The following CDH18 variants were observed in gnomAD, a reference collection of about 807,000 sequenced individuals.
CDH18 encodes the protein cadherin 18, also known as cadherin-18.
A neutral mutation model predicts 67.9 loss-of-function variants in CDH18; 31 were observed. The ratio of observed to expected loss-of-function variants is 0.46; its 90% CI spans 0.34 to 0.62. The LOEUF (loss-of-function observed/expected upper bound fraction) is 0.62. Ranked by LOEUF, CDH18 falls within the 20% of genes least tolerant of loss-of-function variation. CDH18 has a pLI of 0.01. For missense variants in CDH18, 890 were observed against 975.5 expected (o/e 0.91, Z 1.17); for synonymous variants, 362 against 347.2 (o/e 1.04, Z -0.48).
At chr5:20,098,468 T>A (rs1055257679) in intron 2 of CDH18, among the ~76,000 whole-genome samples, 1 of 152,128 alleles carries the variant, frequency 6.6e-6, no homozygotes, top group Non-Finnish European at 1.5e-5. Context: ...TTTTACTCTT[T>A]GACCAACTCC....
intron 2 of CDH18, among the ~76,000 whole-genome samples, chr5:20,156,967 G>A (rs145488220): frequency 1.6e-4 from 25 of 152,248 alleles, no homozygotes; most frequent in African/African-American, 6.0e-4. Context: ...ACCTCCACCA[G>A]ATGCCTGGAA....
chr5:19,694,649 CTGTG>C lies in CDH18; in HGVS notation c.643+26694_643+26697del, dbSNP rs66488949. On this transcript the variant is annotated intron_variant, in intron 5 of 12. Coordinates refer to ENST00000382275, the MANE Select transcript of CDH18 (RefSeq NM_004934.5). ...TCTCAAGTTAATTCAGAATTAAACT[CTGTG>C]TGTGTGTGTGTGTGTGTGTGTGTCT... Among the ~76,000 whole-genome samples the C allele has an allele frequency of 4.4e-3, 662 of 150,716 alleles. 5 individuals are homozygous for C. The highest frequency in any genetic ancestry group is 3.3e-3 in the Admixed American group (50 of 15,104).
rs115548801 is a variant in CDH18, at chr5:19,673,513, G to T, written c.643+47834C>A. On this transcript the variant is annotated intron_variant, in intron 5 of 12. Transcript: ENST00000382275. ...AATAAAATCTTTAAAGTAAACTAAC[G>T]TAAAGCATAAATTTGGAAAGAATTA... Among the ~76,000 whole-genome samples, 759 of 151,982 alleles carry T rather than the reference G, an allele frequency of 5.0e-3. 3 individuals are homozygous for T. Among genetic ancestry groups the T allele is most frequent in the African/African-American group, 0.018 (731 of 41,504 alleles).
rs964401934 is a variant in CDH18, at chr5:19,852,600, C to G, written c.-256-13358G>C. Among the ~76,000 whole-genome samples the G allele has an allele frequency of 7.2e-5, 11 of 152,024 alleles. No individual in the cohort carries two copies. The South Asian group carries it at 2.3e-3, about 31-fold the overall frequency. ...TATTGAAACTCTTACTAAATATTCTCTACTTTTCATTATCTGGATAGTATA... is the reference window on the plus strand; with the variant it reads ...TATTGAAACTCTTACTAAATATTCTGTACTTTTCATTATCTGGATAGTATA... On this transcript the variant is annotated intron_variant, in intron 2 of 12. Transcript: ENST00000382275.
chr5:20,239,273 G>A (rs1484478413), intron 2 of CDH18, among the ~76,000 whole-genome samples: 1 of 152,028 alleles, frequency 6.6e-6, no homozygotes, highest in Non-Finnish European at 1.5e-5. Flanking sequence ...TGGGCAACAC[G>A]ATGAAGCCCC....
chr5:19,855,071 A>C (rs1318544186), intron 2 of CDH18, among the ~76,000 whole-genome samples: 1 of 151,794 alleles, frequency 6.6e-6, no homozygotes, highest in Non-Finnish European at 1.5e-5. Flanking sequence ...AAATGACAAG[A>C]TTTCATTCTT....
chr5:20,297,718 A>G (rs2149958973), intron 1 of CDH18, among the ~76,000 whole-genome samples: 1 of 152,310 alleles, frequency 6.6e-6, no homozygotes, highest in Admixed American at 6.5e-5. Flanking sequence ...GCAACGGCAA[A>G]GCACATTTCT....
chr5:20,105,608 T>C (rs1313162639), intron 2 of CDH18, among the ~76,000 whole-genome samples: 3 of 152,318 alleles, frequency 2.0e-5, no homozygotes, highest in East Asian at 3.9e-4. Flanking sequence ...ATAACTTCTA[T>C]ATCCTTATCT....
At chr5:19,899,348 C>T (rs113178796) in intron 2 of CDH18, among the ~76,000 whole-genome samples, 4 of 150,036 alleles carry the variant, frequency 2.7e-5, no homozygotes, top group African/African-American at 7.4e-5. Context: ...CACAGTGAGC[C>T]GAGATTGTGC....
At chr5:20,255,165 C>T (rs924783302) in intron 2 of CDH18, among the ~76,000 whole-genome samples, 1 of 152,036 alleles carries the variant, frequency 6.6e-6, no homozygotes, top group Admixed American at 6.5e-5. Context: ...GTTGAAAAAC[C>T]ACTGGGTACA....
At chr5:19,677,776 T>C (rs1000022951) in intron 5 of CDH18, among the ~76,000 whole-genome samples, 3 of 151,686 alleles carry the variant, frequency 2.0e-5, no homozygotes, top group Admixed American at 1.3e-4. Context: ...TGAGACCTAA[T>C]TACTCATATT....
chr5:19,740,974 A>T (rs1769033108), intron 4 of CDH18, among the ~76,000 whole-genome samples: 1 of 152,046 alleles, frequency 6.6e-6, no homozygotes, highest in African/African-American at 2.4e-5. Flanking sequence ...ATTTGCATTG[A>T]TCAAATATGT....
At chr5:20,224,035 T>C (rs945521559) in intron 2 of CDH18, among the ~76,000 whole-genome samples, 1 of 152,202 alleles carries the variant, frequency 6.6e-6, no homozygotes, top group Non-Finnish European at 1.5e-5. Context: ...ATATTAAGTC[T>C]TTATGAAGCA....
At chr5:20,172,689 C>A (rs985784887) in intron 2 of CDH18, among the ~76,000 whole-genome samples, 2 of 151,874 alleles carry the variant, frequency 1.3e-5, no homozygotes, top group Non-Finnish European at 2.9e-5. Context: ...AGTGATTTTT[C>A]TTAAAGGAAT....
chr5:20,087,713 T>C (rs1174575134), intron 2 of CDH18, among the ~76,000 whole-genome samples: 1 of 152,172 alleles, frequency 6.6e-6, no homozygotes, highest in East Asian at 1.9e-4. Flanking sequence ...TATGATGCTA[T>C]TTTGCACTTA....
chr5:19,870,526 C>G (rs150097799), intron 2 of CDH18, among the ~76,000 whole-genome samples: 1 of 151,994 alleles, frequency 6.6e-6, no homozygotes, highest in African/African-American at 2.4e-5. Flanking sequence ...ATAGAGTATC[C>G]TTATGTTATA....
At chr5:19,724,403 G>A (rs1766524962) in intron 4 of CDH18, among the ~76,000 whole-genome samples, 1 of 152,000 alleles carries the variant, frequency 6.6e-6, no homozygotes, top group Non-Finnish European at 1.5e-5. Context: ...GAAGCATAAG[G>A]GATCCTTATA....
At chr5:20,235,944 C>A (rs573411371) in intron 2 of CDH18, among the ~76,000 whole-genome samples, 1 of 152,114 alleles carries the variant, frequency 6.6e-6, no homozygotes, top group African/African-American at 2.4e-5. Flanking sequence ...TCATGTCCTT[C>A]ACAGCAACAT....
chr5:20,155,644 T>C (rs554780247), intron 2 of CDH18, among the ~76,000 whole-genome samples: 2 of 152,290 alleles, frequency 1.3e-5, no homozygotes, highest in African/African-American at 4.8e-5. Flanking sequence ...ATAAATTCTT[T>C]GGTTAGGCCA....
Sources: gnomAD v4.1 joint callset for allele counts (sites outside exome capture counted in the v4.1 genomes callset) on GRCh38, gnomAD v4.1.1 for gene constraint, MANE v1.5 for transcripts, NCBI Gene and HGNC (gene_info 2026-07-23, HGNC 2026-07-21) for gene names.